Variants in TENM4 observed in about 807,000 individuals in gnomAD.
TENM4 encodes teneurin-4.
Under a neutral mutation model 243.3 loss-of-function variants are expected in TENM4, and 82 were observed. That is an observed-to-expected ratio of 0.34 (90% CI 0.28 to 0.40). The LOEUF is 0.40. Ranked by LOEUF, TENM4 falls within the 10% of genes least tolerant of loss-of-function variation. The pLI is 1.00. For missense variants in TENM4, 3,138 were observed against 3,673.3 expected (o/e 0.85, Z 3.77); for synonymous variants, 1,412 against 1,456.3 (o/e 0.97, Z 0.69).
intron 2 of TENM4, among the ~76,000 whole-genome samples, chr11:79,234,884 G>A (rs12577300): frequency 0.07 from 10,576 of 152,172 alleles, 519 homozygotes; most frequent in East Asian, 0.18. Context: ...CCTGGCTTGC[G>A]GGGTCTGGCA....
chr11:78,703,612 TG>T (rs1409152212), intron 27 of TENM4, among the ~76,000 whole-genome samples: 1 of 152,124 alleles, frequency 6.6e-6, no homozygotes, highest in Non-Finnish European at 1.5e-5. Context: ...GCTGGATTGT[TG>T]GATCTATCAC....
At chr11:79,437,249 G>GCACA (rs142847009) in intron 1 of TENM4, among the ~76,000 whole-genome samples, 2 of 150,840 alleles carry the variant, frequency 1.3e-5, no homozygotes, top group African/African-American at 2.4e-5. Context: ...CCCAACACAT[G>GCACA]CACACACACA....
intron 6 of TENM4, among the ~76,000 whole-genome samples, chr11:79,062,323 G>C (rs751462736): frequency 1.3e-5 from 2 of 152,076 alleles, no homozygotes; most frequent in African/African-American, 2.4e-5. Context: ...CCTTCATCTT[G>C]TGCATGCAAT....
intron 1 of TENM4, among the ~76,000 whole-genome samples, chr11:79,310,483 C>T (rs1856700867): frequency 2.0e-5 from 3 of 152,188 alleles, no homozygotes. Context: ...ATATGGCCTC[C>T]CTGAATTCCC....
chr11:78,724,627 TCTC>T (rs1047501994), intron 23 of TENM4, among the ~76,000 whole-genome samples: 1 of 152,174 alleles, frequency 6.6e-6, no homozygotes, highest in Non-Finnish European at 1.5e-5. Flanking sequence ...GGCAGAAACT[TCTC>T]CTTCCTATCC....
At position 79,046,244 on chromosome 11, in the gene TENM4, A is replaced by G. The variant is rs553142041; in HGVS notation, c.493+18494T>C. 2.0e-5 allele frequency among the ~76,000 whole-genome samples: 3 copies of G among 152,314 alleles called. No homozygotes were observed. The South Asian group carries it at 6.2e-4, about 32-fold the overall frequency. Reference sequence around the variant, plus strand: ...GCCAGGGAGATGGGGAGGGAGTTGCAGCCAGGCCTCAGGGGCCCAGCATGG... The same window carrying G: ...GCCAGGGAGATGGGGAGGGAGTTGCGGCCAGGCCTCAGGGGCCCAGCATGG... On this transcript the variant is annotated intron_variant, in intron 6 of 33. Coordinates refer to ENST00000278550, the MANE Select transcript of TENM4 (RefSeq NM_001098816.3).
At chr11:79,164,000 A>G (rs57993091) in intron 3 of TENM4, among the ~76,000 whole-genome samples, 46 of 72,788 alleles carry the variant, frequency 6.3e-4, no homozygotes, top group African/African-American at 1.9e-3. Context: ...TATATATAGT[A>G]TAGTATATAG....
At chr11:78,904,359 C>CAAAAAAAAAAGAA (rs1856014395) in intron 6 of TENM4, among the ~76,000 whole-genome samples, 1 of 77,268 alleles carries the variant, frequency 1.3e-5, no homozygotes, top group Non-Finnish European at 2.3e-5. Flanking sequence ...GACTCTGTCT[C>CAAAAAAAAAAGAA]AAAAAAAAAA....
intron 6 of TENM4, among the ~76,000 whole-genome samples, chr11:78,946,492 G>A (rs1591153033): frequency 6.6e-6 from 1 of 152,316 alleles, no homozygotes; most frequent in African/African-American, 2.4e-5. Context: ...GATGAATGTT[G>A]TTTTCATGCC....
chr11:78,800,780 A>G (rs191737628), intron 15 of TENM4, among the ~76,000 whole-genome samples: 2 of 151,814 alleles, frequency 1.3e-5, no homozygotes, highest in East Asian at 3.9e-4. Context: ...ATTAGAATAC[A>G]TCAGTCAATA....
At chr11:78,900,350 C>T (rs1049129176) in intron 7 of TENM4, among the ~76,000 whole-genome samples, 3 of 152,132 alleles carry the variant, frequency 2.0e-5, no homozygotes, top group African/African-American at 4.8e-5. Flanking sequence ...ATCCTAAAAC[C>T]GGTGCTTCAA....
intron 6 of TENM4, among the ~76,000 whole-genome samples, chr11:79,009,552 G>A (rs142124453): frequency 9.8e-5 from 15 of 152,294 alleles, no homozygotes; most frequent in East Asian, 7.7e-4. Flanking sequence ...TGAGATTCAG[G>A]TTCTTTAATT....
At chr11:79,341,967 A>C (rs533767619) in intron 1 of TENM4, among the ~76,000 whole-genome samples, 2 of 152,342 alleles carry the variant, frequency 1.3e-5, no homozygotes, top group African/African-American at 4.8e-5. Context: ...CTGCCAGAAG[A>C]AGCCCTGGTG....
rs556024292 is a variant in TENM4 at position 79,288,893 on chromosome 11, GA to G, written c.-265+8594del. Among the ~76,000 whole-genome samples, 1,393 of 147,834 alleles carry G rather than the reference GA, an allele frequency of 9.4e-3. 14 individuals carry two copies. Among genetic ancestry groups the G allele is most frequent in the Non-Finnish European group, 0.014 (904 of 66,658 alleles). ...ATAGTGTGTGGTAAATTAAAAAAGA[GA>G]AAAAAAAAATGAACCATAGGGAAAA... On this transcript the variant is annotated intron_variant, in intron 2 of 33. Transcript: ENST00000278550.
At chr11:79,124,824 T>G (rs1044778756) in intron 4 of TENM4, among the ~76,000 whole-genome samples, 1 of 143,678 alleles carries the variant, frequency 7.0e-6, no homozygotes, top group African/African-American at 2.7e-5. Context: ...TATATGTATA[T>G]GTATGTGTGT....
chr11:79,224,584 T>G (rs1344555798), intron 2 of TENM4, among the ~76,000 whole-genome samples: 2 of 152,178 alleles, frequency 1.3e-5, no homozygotes, highest in Non-Finnish European at 2.9e-5. Context: ...AGATAAGGTC[T>G]TTATAGAGGC....
At chr11:79,057,694 T>G (rs146565419) in intron 6 of TENM4, among the ~76,000 whole-genome samples, 5 of 152,330 alleles carry the variant, frequency 3.3e-5, no homozygotes, top group South Asian at 2.1e-4. Flanking sequence ...ACCCCAGTAT[T>G]TAAAACAGTG....
intron 3 of TENM4, among the ~76,000 whole-genome samples, chr11:79,165,437 C>T (rs7931785): frequency 0.32 from 48,474 of 151,886 alleles, 8,027 homozygotes; most frequent in East Asian, 0.41. Context: ...CCTTTATATA[C>T]CTTCTTTTGA....
At chr11:79,151,938 G>A (rs1364589597) in intron 3 of TENM4, among the ~76,000 whole-genome samples, 1 of 152,230 alleles carries the variant, frequency 6.6e-6, no homozygotes, top group East Asian at 1.9e-4. Flanking sequence ...CAACCCCAGT[G>A]GCTGGCACAC....
Sources: allele counts gnomAD v4.1 joint callset (sites outside exome capture counted in the v4.1 genomes callset), GRCh38; gene constraint gnomAD v4.1.1; transcripts MANE v1.5; gene names NCBI Gene and HGNC (gene_info 2026-07-23, HGNC 2026-07-21).